The following SYNE1 variants were observed in gnomAD, a reference collection of about 807,000 sequenced individuals.
The protein encoded by SYNE1 is nesprin-1.
In SYNE1, 616 loss-of-function variants were observed where a neutral mutation model predicts 1,111.0. That is an observed-to-expected ratio of 0.55 (90% CI 0.52 to 0.59). SYNE1 has a LOEUF of 0.59. Ranked by LOEUF, SYNE1 falls within the 20% of genes least tolerant of loss-of-function variation. The probability of loss-of-function intolerance (pLI) is 0.00; values close to 1 mark genes in which losing one functional copy is unlikely to be tolerated. For synonymous variants in SYNE1, 3,855 were observed against 3,825.8 expected (o/e 1.01, Z -0.28); for missense variants, 10,006 against 10,417.0 (o/e 0.96, Z 1.72).
chr6:152,326,987 C>T (rs2096083981), intron 78 of SYNE1, among the ~76,000 whole-genome samples: 1 of 152,108 alleles, frequency 6.6e-6, no homozygotes, highest in Admixed American at 6.6e-5. Context: ...GTAATGTCTC[C>T]GTTGGTTAGA....
At chr6:152,151,007 T>C (rs2060310349) in intron 135 of SYNE1, among the ~76,000 whole-genome samples, 1 of 151,756 alleles carries the variant, frequency 6.6e-6, no homozygotes, top group African/African-American at 2.4e-5. Flanking sequence ...AGGTTAGGAG[T>C]TCGAGACCAG....
At chr6:152,304,176 T>A (rs1054325909) in intron 91 of SYNE1, among the ~76,000 whole-genome samples, 21 of 152,200 alleles carry the variant, frequency 1.4e-4, no homozygotes, top group African/African-American at 4.6e-4. Flanking sequence ...TCTTGTCTAG[T>A]GGCTAGCACG....
At chr6:152,557,646 A>G (rs1331520305) in intron 3 of SYNE1, among the ~76,000 whole-genome samples, 1 of 152,156 alleles carries the variant, frequency 6.6e-6, no homozygotes, top group African/African-American at 2.4e-5. Flanking sequence ...AGGCCAGGAG[A>G]AAGTGGGATA....
chr6:152,324,324 A>C (rs986396731), intron 81 of SYNE1, among the ~76,000 whole-genome samples: 2 of 151,756 alleles, frequency 1.3e-5, no homozygotes, highest in Non-Finnish European at 2.9e-5. Context: ...GCTTGAACCC[A>C]GGGGGTGGAG....
intron 3 of SYNE1, among the ~76,000 whole-genome samples, chr6:152,610,290 G>C (rs1307064052): frequency 3.3e-5 from 5 of 152,126 alleles, no homozygotes; most frequent in African/African-American, 9.7e-5. Context: ...ACAGTGTAGA[G>C]ATGACCTTAA....
In SYNE1 at chr6:152,326,578, G is replaced by A; in HGVS notation, c.15011C>T (p.Ala5004Val). The A allele has an allele frequency of 1.2e-6, 2 of 1,614,182 alleles. No individual in the cohort carries two copies. The highest frequency in any genetic ancestry group is 1.7e-6 in the Non-Finnish European group (2 of 1,180,040). ...GGCATCCTCAAGCCAGTCATTGGCT[G>A]CTTGAAATACCTGATAATACCTTTG... is the stretch of plus-strand genomic sequence containing the variant. ...QCQRYYQVFQ[A>V]ANDWLEDAQE... Residue 5004 changes from alanine to valine, a missense_variant, in exon 79 of 146, where the codon GCA (alanine) becomes GTA (valine). Ala to Val is a moderately conservative substitution (Grantham distance 64). Coordinates refer to ENST00000367255, the MANE Select transcript of SYNE1 (RefSeq NM_182961.4).
At chr6:152,276,035 T>G (rs1374105045) in intron 98 of SYNE1, among the ~76,000 whole-genome samples, 2 of 145,284 alleles carry the variant, frequency 1.4e-5, no homozygotes, top group African/African-American at 5.1e-5. Context: ...GACTTCTTTT[T>G]TTTTTTTTTT....
chr6:152,589,105 C>T (rs572778159), intron 3 of SYNE1, among the ~76,000 whole-genome samples: 8 of 152,098 alleles, frequency 5.3e-5, no homozygotes, highest in Admixed American at 4.6e-4. Flanking sequence ...CGGGATTTTA[C>T]CACATTGGCC....
rs750264284 is a variant in SYNE1, at chr6:152,387,336, C to G, written c.8223G>C (p.Arg2741Ser). Residue 2741 changes from arginine to serine, a missense_variant, in exon 54 of 146, where the codon AGG becomes AGC. Coordinates refer to ENST00000367255, the MANE Select transcript of SYNE1 (RefSeq NM_182961.4). ...CCATCCACTGCTCCAACTGGTTTTT[C>G]CTCTCTACATAGTCATTCCATTGGC... is the stretch of plus-strand genomic sequence containing the variant. ...VISQWNDYVE[R>S]KNQLEQWMES... The G allele has an allele frequency of 8.1e-6, 13 of 1,614,168 alleles. No homozygotes were observed. In the South Asian group the frequency reaches 1.3e-4, roughly 16 times the overall value.
Position 152,318,263 on chromosome 6 carries a change from C to A in SYNE1, c.16390G>T (p.Val5464Leu). 1.9e-6 allele frequency: 3 copies of A among 1,614,120 alleles called. No homozygotes were observed. In the East Asian group the frequency reaches 6.7e-5, roughly 36 times the overall value. Residue 5464 changes from valine to leucine, a missense_variant and splice_region_variant, in exon 86 of 146, where the codon GTG becomes TTG. Transcript: ENST00000367255. ...CAGCCATCTAATTCCTCTCCCAGCACCTTGATGGTCACCAAAATGAAAGAA... is the reference window on the plus strand; with the variant it reads ...CAGCCATCTAATTCCTCTCCCAGCAACTTGATGGTCACCAAAATGAAAGAA... Reference protein sequence around the residue: ...NVVQAKTDQKVLGEELDGCNS... With the variant: ...NVVQAKTDQKLLGEELDGCNS...
At chr6:152,340,464 G>A (rs1041173467) in intron 74 of SYNE1, among the ~76,000 whole-genome samples, 3 of 152,126 alleles carry the variant, frequency 2.0e-5, no homozygotes, top group South Asian at 2.1e-4. Context: ...TTGCTAGAAC[G>A]TCAGCAGCAT....
At chr6:152,285,682 C>G (rs1377640492) in intron 95 of SYNE1, among the ~76,000 whole-genome samples, 1 of 152,194 alleles carries the variant, frequency 6.6e-6, no homozygotes, top group Non-Finnish European at 1.5e-5. Context: ...TGTGAGATGG[C>G]TCTATTCATC....
At chr6:152,258,844 A>G (rs1453795910) in intron 101 of SYNE1, among the ~76,000 whole-genome samples, 1 of 151,302 alleles carries the variant, frequency 6.6e-6, no homozygotes, top group Non-Finnish European at 1.5e-5. Context: ...TCCCGGGTTC[A>G]AGTGATTCTC....
chr6:152,422,025 C>A (rs923341121), intron 39 of SYNE1, among the ~76,000 whole-genome samples: 2 of 152,004 alleles, frequency 1.3e-5, no homozygotes, highest in Non-Finnish European at 1.5e-5. Context: ...TTCCTTAATG[C>A]CCCACAAACT....
At chr6:152,257,403 T>C (rs545077800) in intron 101 of SYNE1, among the ~76,000 whole-genome samples, 80 of 152,196 alleles carry the variant, frequency 5.3e-4, no homozygotes, top group African/African-American at 1.7e-3. Context: ...TATGGTGGCA[T>C]ACGCCTATAA....
chr6:152,139,660 A>G (rs1449978173), intron 140 of SYNE1, among the ~76,000 whole-genome samples: 1 of 148,892 alleles, frequency 6.7e-6, no homozygotes, highest in African/African-American at 2.5e-5. Context: ...AAAAAAAAGA[A>G]GGAAGGAAGG....
chr6:152,430,263 C>CA (rs373546290), intron 35 of SYNE1, 53 bp from the exon 36 acceptor site: 6,458 of 1,223,050 alleles, frequency 5.3e-3, no homozygotes, highest in Non-Finnish European at 6.3e-3. Flanking sequence ...CATAGCAAGA[C>CA]AAAAAAAAAA....
intron 101 of SYNE1, 113 bp from the exon 102 acceptor site, chr6:152,256,878 C>A (rs2090979989): frequency 1.3e-6 from 2 of 1,504,232 alleles, no homozygotes; most frequent in African/African-American, 2.8e-5. Context: ...ATGAAAATTT[C>A]TTCTAGAGAA....
chr6:152,132,725 C>T (rs959463435), intron 143 of SYNE1, among the ~76,000 whole-genome samples: 1 of 152,074 alleles, frequency 6.6e-6, no homozygotes, highest in Non-Finnish European at 1.5e-5. Context: ...GTGTTCATGG[C>T]AGGATTTCAC....
Sources: gnomAD v4.1 joint callset for allele counts (sites outside exome capture counted in the v4.1 genomes callset) on GRCh38, gnomAD v4.1.1 for gene constraint, MANE v1.5 for transcripts, NCBI Gene and HGNC (gene_info 2026-07-23, HGNC 2026-07-21) for gene names.